RIPOR2: variants seen among roughly 807,000 people sequenced by gnomAD.
RIPOR2 encodes RHO family interacting cell polarization regulator 2.
Under a neutral mutation model 114.5 loss-of-function variants are expected in RIPOR2, and 39 were observed. That is an observed-to-expected ratio of 0.34 (90% CI 0.26 to 0.44). The LOEUF is 0.44. Ranked by LOEUF, RIPOR2 falls within the 20% of genes least tolerant of loss-of-function variation. The pLI, the probability that RIPOR2 is intolerant of heterozygous loss-of-function variation, is 1.00. For missense variants in RIPOR2, 1,007 were observed against 1,255.1 expected (o/e 0.80, Z 2.99); for synonymous variants, 445 against 484.4 (o/e 0.92, Z 1.07).
At chr6:25,020,490 G>A (rs978211754) in intron 1 of RIPOR2, among the ~76,000 whole-genome samples, 12 of 152,194 alleles carry the variant, frequency 7.9e-5, no homozygotes, top group Admixed American at 6.5e-5. Context: ...GATTCTTACT[G>A]TGAATGAGAG....
intron 1 of RIPOR2, among the ~76,000 whole-genome samples, chr6:25,009,767 A>T (rs1452665304): frequency 6.6e-6 from 1 of 152,212 alleles, no homozygotes; most frequent in East Asian, 1.9e-4. Context: ...GAAATTCTTT[A>T]TGATTATTTT....
chr6:24,892,824 T>C (rs1216311222), intron 1 of RIPOR2, among the ~76,000 whole-genome samples: 1 of 152,204 alleles, frequency 6.6e-6, no homozygotes, highest in Non-Finnish European at 1.5e-5. Flanking sequence ...CTGTTTGGAC[T>C]ATAATGGCAA....
At chr6:24,893,887 T>A (rs917434257) in intron 1 of RIPOR2, among the ~76,000 whole-genome samples, 2 of 152,168 alleles carry the variant, frequency 1.3e-5, no homozygotes, top group Non-Finnish European at 2.9e-5. Flanking sequence ...GCTGTCAGGA[T>A]CCAAAGAAAC....
intron 1 of RIPOR2, among the ~76,000 whole-genome samples, chr6:25,000,974 AAGGG>A (rs1775284554): frequency 1.3e-5 from 2 of 152,216 alleles, no homozygotes; most frequent in Non-Finnish European, 2.9e-5. Flanking sequence ...ATGTTCAGGA[AAGGG>A]GCTGCGGACC....
At chr6:24,993,289 T>G (rs569978306) in intron 1 of RIPOR2, among the ~76,000 whole-genome samples, 1 of 152,246 alleles carries the variant, frequency 6.6e-6, no homozygotes, top group Non-Finnish European at 1.5e-5. Context: ...ATATTTAGGA[T>G]AGTTAGACCT....
intron 1 of RIPOR2, among the ~76,000 whole-genome samples, chr6:25,035,099 A>G (rs1327644324): frequency 6.6e-6 from 1 of 152,216 alleles, no homozygotes; most frequent in Non-Finnish European, 1.5e-5. Context: ...TAAAACAAAA[A>G]GCATTCTCTG....
At chr6:24,907,595 C>T (rs1319087572) in intron 1 of RIPOR2, among the ~76,000 whole-genome samples, 1 of 152,190 alleles carries the variant, frequency 6.6e-6, no homozygotes. Flanking sequence ...AGAGGAGACA[C>T]AGAAGAGGGA....
At chr6:24,809,984 C>T (rs111288453) in intron 20 of RIPOR2, among the ~76,000 whole-genome samples, 177 bp from the exon 21 acceptor site, 475 of 152,278 alleles carry the variant, frequency 3.1e-3, no homozygotes, top group Middle Eastern at 6.8e-3. Flanking sequence ...AATTCTCCTG[C>T]CTCAGCCTCC....
intron 1 of RIPOR2, among the ~76,000 whole-genome samples, chr6:24,958,855 G>A (rs1481675338): frequency 6.6e-6 from 1 of 152,020 alleles, no homozygotes; most frequent in Non-Finnish European, 1.5e-5. Context: ...AGGACTCTGA[G>A]AGAAAATCCC....
At chr6:24,877,008 GTAAA>G in intron 1 of RIPOR2, 2 of 985,330 alleles carry the variant, frequency 2.0e-6, no homozygotes, top group East Asian at 2.3e-4. Context: ...AGGAAAAAGG[GTAAA>G]TAGTTACTGC....
rs1259175535 is a variant in RIPOR2, at chr6:24,829,358, T to C, written c.2507-1063A>G. 2.0e-5 allele frequency among the ~76,000 whole-genome samples: 3 copies of C among 151,890 alleles called. No homozygotes were observed. In the East Asian group the frequency reaches 5.8e-4, roughly 29 times the overall value. ...ATTAAAAAAAATTGCTGGCCCAGTG[T>C]AGTGGCTCACAACTGTAATTCCGGC... On this transcript the variant is annotated intron_variant, in intron 17 of 21. Coordinates refer to ENST00000643898, the MANE Select transcript of RIPOR2 (RefSeq NM_001286445.3).
At chr6:24,879,418 G>A (rs959463431) in intron 1 of RIPOR2, among the ~76,000 whole-genome samples, 2 of 152,196 alleles carry the variant, frequency 1.3e-5, no homozygotes, top group Admixed American at 6.5e-5. Flanking sequence ...TGACTAGAGT[G>A]AGCAGTTTTG....
At chr6:24,973,040 A>G (rs1173099037) in intron 1 of RIPOR2, among the ~76,000 whole-genome samples, 1 of 150,040 alleles carries the variant, frequency 6.7e-6, no homozygotes, top group African/African-American at 2.4e-5. Flanking sequence ...CAAATTTGAA[A>G]ATAAAGTAAT....
chr6:24,995,488 T>G (rs1416307069), intron 1 of RIPOR2, among the ~76,000 whole-genome samples: 2 of 152,210 alleles, frequency 1.3e-5, no homozygotes, highest in Non-Finnish European at 1.5e-5. Context: ...AAACTGCCAA[T>G]CCCGGCAACT....
At chr6:24,954,558 C>T (rs761694316) in intron 1 of RIPOR2, among the ~76,000 whole-genome samples, 1 of 150,172 alleles carries the variant, frequency 6.7e-6, no homozygotes, top group Non-Finnish European at 1.5e-5. Flanking sequence ...CAGGCTTAAG[C>T]GTTTCTCCTG....
In RIPOR2 at chr6:24,873,079, C is replaced by A. The variant is rs112351749; in HGVS notation, c.345-120G>T. 1,475 of 668,350 alleles carry A rather than the reference C, an allele frequency of 2.2e-3. 5 individuals are homozygous for A. Among genetic ancestry groups the A allele is most frequent in the African/African-American group, 0.014 (780 of 55,904 alleles). 41.4% of individuals were successfully genotyped at this position (668,350 alleles called of 1,614,324 possible). A position where few individuals can be genotyped will look rare whatever the true frequency, so the allele number is the denominator to read the frequency against. On this transcript the variant is annotated intron_variant, in intron 3 of 21. Transcript: ENST00000643898. Reference sequence around the variant, plus strand: ...AATTGAACCTTGCTCTGTAGTTGGGCAGGAGGCTTTGTATTTTCCCAGTCT... The same window carrying A: ...AATTGAACCTTGCTCTGTAGTTGGGAAGGAGGCTTTGTATTTTCCCAGTCT...
At chr6:24,944,574 A>C (rs1772313823) in intron 1 of RIPOR2, among the ~76,000 whole-genome samples, 1 of 152,230 alleles carries the variant, frequency 6.6e-6, no homozygotes, top group African/African-American at 2.4e-5. Context: ...GCAAAGAAGC[A>C]AGAAAGTATG....
chr6:24,891,496 G>A (rs887827968), intron 1 of RIPOR2, among the ~76,000 whole-genome samples: 2 of 148,756 alleles, frequency 1.3e-5, no homozygotes. Context: ...ATTTGAAGCT[G>A]TAATGACAGT....
upstream of RIPOR2, among the ~76,000 whole-genome samples, chr6:24,939,702 G>A (rs914483374): frequency 6.6e-6 from 1 of 152,198 alleles, no homozygotes; most frequent in African/African-American, 2.4e-5. Flanking sequence ...ACTAAGAAAT[G>A]AGGAGTAAGT....
Sources: gnomAD v4.1 joint callset for allele counts (sites outside exome capture counted in the v4.1 genomes callset) on GRCh38, gnomAD v4.1.1 for gene constraint, MANE v1.5 for transcripts, NCBI Gene and HGNC (gene_info 2026-07-23, HGNC 2026-07-21) for gene names.